BRINP3: variants seen among roughly 807,000 people sequenced by gnomAD.
The protein encoded by BRINP3 is BMP/retinoic acid inducible neural specific 3, also known as BMP/retinoic acid-inducible neural-specific protein 3.
BRINP3 carries 19 observed loss-of-function variants against 71.0 expected under a neutral mutation model. That is an observed-to-expected ratio of 0.27 (90% CI 0.19 to 0.39). BRINP3 has a LOEUF of 0.39. Ranked by LOEUF, BRINP3 falls within the 10% of genes least tolerant of loss-of-function variation. The pLI is 1.00. For missense variants in BRINP3, 959 were observed against 940.8 expected (o/e 1.02, Z -0.25); for synonymous variants, 380 against 337.7 (o/e 1.13, Z -1.37).
At chr1:190,249,546 A>G (rs1659925909) in intron 4 of BRINP3, among the ~76,000 whole-genome samples, 1 of 151,892 alleles carries the variant, frequency 6.6e-6, no homozygotes, top group South Asian at 2.1e-4. Flanking sequence ...AGAAAAGTAA[A>G]ATGTGTTAAC....
chr1:190,377,200 A>G (rs1670240315), intron 2 of BRINP3, among the ~76,000 whole-genome samples: 1 of 152,066 alleles, frequency 6.6e-6, no homozygotes, highest in African/African-American at 2.4e-5. Flanking sequence ...GTCATCCTAC[A>G]TCCACATATA....
intron 7 of BRINP3, among the ~76,000 whole-genome samples, chr1:190,114,343 T>G (rs1652945587): frequency 6.6e-6 from 1 of 152,014 alleles, no homozygotes; most frequent in Non-Finnish European, 1.5e-5. Context: ...TTCTTTATAT[T>G]TTACCCAGTC....
chr1:190,298,419 T>C (rs1428177149), intron 2 of BRINP3, among the ~76,000 whole-genome samples: 1 of 152,094 alleles, frequency 6.6e-6, no homozygotes, highest in East Asian at 1.9e-4. Flanking sequence ...AGGGAGCATA[T>C]TATTGGTTTG....
At chr1:190,276,781 T>C (rs577545197) in intron 3 of BRINP3, among the ~76,000 whole-genome samples, 2 of 151,500 alleles carry the variant, frequency 1.3e-5, no homozygotes, top group African/African-American at 4.8e-5. Context: ...GAAGAGAATT[T>C]TTTTTGTATT....
At chr1:190,184,681 A>C (rs940896516) in intron 6 of BRINP3, among the ~76,000 whole-genome samples, 6 of 152,146 alleles carry the variant, frequency 3.9e-5, no homozygotes, top group African/African-American at 1.4e-4. Context: ...GTGTGAGCTA[A>C]ACTTTGGGCA....
intron 2 of BRINP3, among the ~76,000 whole-genome samples, chr1:190,364,149 G>A (rs1669335208): frequency 6.6e-6 from 1 of 151,978 alleles, no homozygotes; most frequent in Non-Finnish European, 1.5e-5. Context: ...ACTGATTCTG[G>A]GAAAGTAATC....
chr1:190,333,112 A>G (rs1303338510), intron 2 of BRINP3, among the ~76,000 whole-genome samples: 2 of 152,000 alleles, frequency 1.3e-5, no homozygotes, highest in Non-Finnish European at 2.9e-5. Context: ...TACCTGACCC[A>G]ACACTAATTG....
chr1:190,327,757 A>T (rs1290782182), intron 2 of BRINP3, among the ~76,000 whole-genome samples: 1 of 152,090 alleles, frequency 6.6e-6, no homozygotes, highest in African/African-American at 2.4e-5. Flanking sequence ...GAAAACAAAC[A>T]AAACAATGTT....
chr1:190,168,105 T>C (rs2102486522), intron 6 of BRINP3, among the ~76,000 whole-genome samples: 1 of 152,282 alleles, frequency 6.6e-6, no homozygotes, highest in East Asian at 1.9e-4. Flanking sequence ...GATAGTTCAA[T>C]GTGCTACTTA....
At chr1:190,333,173 T>TC (rs1310484348) in intron 2 of BRINP3, among the ~76,000 whole-genome samples, 5 of 151,890 alleles carry the variant, frequency 3.3e-5, no homozygotes, top group African/African-American at 1.2e-4. Context: ...GGTAGATTTC[T>TC]CCCCCACTGC....
At chr1:190,406,571 A>G (rs577965768) in intron 2 of BRINP3, among the ~76,000 whole-genome samples, 1 of 152,290 alleles carries the variant, frequency 6.6e-6, no homozygotes, top group African/African-American at 2.4e-5. Flanking sequence ...ATGAACTGAG[A>G]TACATTCTGT....
intron 2 of BRINP3, among the ~76,000 whole-genome samples, chr1:190,317,257 T>C (rs1665951786): frequency 6.6e-6 from 1 of 151,906 alleles, no homozygotes; most frequent in African/African-American, 2.4e-5. Context: ...GTAAGGGGTC[T>C]TCTTGAGAAG....
At chr1:190,099,859 T>G (rs2102238432) in intron 7 of BRINP3, among the ~76,000 whole-genome samples, 1 of 152,320 alleles carries the variant, frequency 6.6e-6, no homozygotes, top group African/African-American at 2.4e-5. Context: ...TTTGAGTCAT[T>G]AACATTTTTT....
At chr1:190,294,469 C>T (rs758731213) in intron 2 of BRINP3, among the ~76,000 whole-genome samples, 8 of 151,842 alleles carry the variant, frequency 5.3e-5, no homozygotes, top group Non-Finnish European at 7.4e-5. Flanking sequence ...CCATGCTGGT[C>T]ATTAACTCTT....
At chr1:190,466,139 G>GT (rs397949306) in intron 1 of BRINP3, among the ~76,000 whole-genome samples, 59,598 of 146,870 alleles carry the variant, frequency 0.41, 12,489 homozygotes, top group African/African-American at 0.54. Context: ...GTTTTACAAA[G>GT]TTTTTTTTTT....
At chr1:190,174,228 G>A (rs952762016) in intron 6 of BRINP3, among the ~76,000 whole-genome samples, 3 of 152,056 alleles carry the variant, frequency 2.0e-5, no homozygotes, top group African/African-American at 7.2e-5. Flanking sequence ...TTATTGTCAA[G>A]GGAACTTAGC....
At chr1:190,128,230 G>A (rs1571777910) in intron 7 of BRINP3, among the ~76,000 whole-genome samples, 2 of 151,784 alleles carry the variant, frequency 1.3e-5, no homozygotes, top group East Asian at 3.9e-4. Context: ...GTTGTGGTAA[G>A]GTTTAGATTC....
chr1:190,211,333 C>A (rs1256220636), intron 6 of BRINP3, among the ~76,000 whole-genome samples: 1 of 151,978 alleles, frequency 6.6e-6, no homozygotes, highest in East Asian at 1.9e-4. Flanking sequence ...AAGTTCTGCC[C>A]CTCTAGAGAA....
At chr1:190,277,733 C>T (rs1338635572) in intron 3 of BRINP3, among the ~76,000 whole-genome samples, 1 of 151,570 alleles carries the variant, frequency 6.6e-6, no homozygotes, top group Non-Finnish European at 1.5e-5. Flanking sequence ...AAAGGTATTA[C>T]AAAAATGGTC....
Sources: allele counts gnomAD v4.1 joint callset (sites outside exome capture counted in the v4.1 genomes callset), GRCh38; gene constraint gnomAD v4.1.1; transcripts MANE v1.5; gene names NCBI Gene and HGNC (gene_info 2026-07-23, HGNC 2026-07-21).